Variants in PRH1 observed in about 807,000 individuals in gnomAD.
PRH1 encodes proline rich protein HaeIII subfamily 1.
In PRH1, 7 loss-of-function variants were observed where a neutral mutation model predicts 7.9. The ratio of observed to expected loss-of-function variants is 0.89; its 90% CI spans 0.50 to 1.67. The LOEUF (loss-of-function observed/expected upper bound fraction) is 1.67, where lower values mean the gene tolerates loss of function less well. Ranked by LOEUF, PRH1 falls within the 40% of genes most tolerant of loss-of-function variation. PRH1 has a pLI of 0.00. For synonymous variants in PRH1, 45 were observed against 80.8 expected (o/e 0.56, Z 2.38); for missense variants, 109 against 223.6 (o/e 0.49, Z 3.27).
At chr12:10,952,914 G>A (rs1222001636) in intron 2 of PRH1, among the ~76,000 whole-genome samples, 1 of 152,080 alleles carries the variant, frequency 6.6e-6, no homozygotes, top group African/African-American at 2.4e-5. Context: ...CCTTCAGAGT[G>A]TTGTGGCCAG....
rs1555163213 is a variant in PRH1, at chr12:11,091,115, CATATATAT to C, written n.124-43935_124-43928del. On this transcript the variant is annotated intron_variant and non_coding_transcript_variant, in intron 1 of 4. Coordinates refer to the PRH1 transcript ENST00000541977. ...ACACAAATACACACACACACACACA[CATATATAT>C]ATATATATATATATATATATTTTCT... 6.0e-4 allele frequency among the ~76,000 whole-genome samples: 15 copies of C among 25,126 alleles called. 4 individuals carry two copies. Among genetic ancestry groups the C allele is most frequent in the East Asian group, 2.3e-3 (1 of 426 alleles). 16.5% of individuals were successfully genotyped at this position (25,126 alleles called of 152,430 possible).
At chr12:10,899,101 A>G (rs1237458623) in intron 2 of PRH1, among the ~76,000 whole-genome samples, 1 of 152,206 alleles carries the variant, frequency 6.6e-6, no homozygotes, top group Non-Finnish European at 1.5e-5. Context: ...GAGAATGTCT[A>G]TCCAATGCCT....
intron 1 of PRH1, among the ~76,000 whole-genome samples, chr12:11,115,562 C>G (rs936364562): frequency 1.3e-5 from 2 of 152,110 alleles, no homozygotes; most frequent in African/African-American, 2.4e-5. Context: ...CAGATATTTA[C>G]ATAACATTTC....
At chr12:11,166,468 C>G (rs1947588508) in intron 1 of PRH1, 1 of 152,246 alleles carries the variant, frequency 6.6e-6, no homozygotes, top group Non-Finnish European at 1.5e-5. Context: ...TTGTGCCAAT[C>G]AGCTATTGCC....
At chr12:11,166,556 A>G (rs908006410) in intron 1 of PRH1, among the ~76,000 whole-genome samples, 5 of 152,144 alleles carry the variant, frequency 3.3e-5, no homozygotes, top group African/African-American at 4.8e-5. Flanking sequence ...CATAATAAAG[A>G]TCCAGAACAT....
intron 2 of PRH1, among the ~76,000 whole-genome samples, chr12:10,919,404 T>G (rs930467596): frequency 1.3e-5 from 2 of 152,206 alleles, no homozygotes; most frequent in African/African-American, 4.8e-5. Flanking sequence ...TGTAACTATT[T>G]GTTGGACACC....
At chr12:11,075,397 T>C (rs1175941901) in intron 1 of PRH1, among the ~76,000 whole-genome samples, 347 of 86,656 alleles carry the variant, frequency 4.0e-3, no homozygotes, top group East Asian at 8.3e-3. Context: ...TTTTTTTTCA[T>C]TTCTTTTGTG....
At chr12:11,051,267 G>T (rs554252316), upstream of PRH1, among the ~76,000 whole-genome samples, 1 of 152,236 alleles carries the variant, frequency 6.6e-6, no homozygotes, top group East Asian at 1.9e-4. Context: ...TCTGGGGTTG[G>T]CAGGAAACAT....
At chr12:11,165,260 C>T (rs1947539517) in intron 1 of PRH1, among the ~76,000 whole-genome samples, 1 of 152,122 alleles carries the variant, frequency 6.6e-6, no homozygotes, top group African/African-American at 2.4e-5. Context: ...CCCCTATCCT[C>T]ACAAATTAGT....
At chr12:11,062,342 TG>T in intron 1 of PRH1, 1 of 1,408,002 alleles carries the variant, frequency 7.1e-7, no homozygotes, top group Non-Finnish European at 9.5e-7. Flanking sequence ...GTAATATCAC[TG>T]GTTGTGATTG....
intron 1 of PRH1, chr12:11,022,077 C>A (rs985624326): frequency 2.5e-6 from 4 of 1,613,898 alleles, no homozygotes; most frequent in Non-Finnish European, 3.4e-6. Context: ...TCAATTTGAT[C>A]TTCCAAGTCA....
At chr12:10,891,366 C>G (rs1007120417) in intron 2 of PRH1, 5 of 152,108 alleles carry the variant, frequency 3.3e-5, no homozygotes, top group African/African-American at 1.2e-4. Flanking sequence ...GAGAAGACAG[C>G]TAAATCTAAA....
chr12:10,952,864 A>G (rs1429722887), intron 2 of PRH1, among the ~76,000 whole-genome samples: 1 of 152,174 alleles, frequency 6.6e-6, no homozygotes, highest in Admixed American at 6.6e-5. Flanking sequence ...AGCTTGCGTT[A>G]CACTGTCACT....
rs1243201301 is a variant in PRH1, at chr12:11,143,984, G to T, written n.40-22804C>A. On this transcript the variant is annotated intron_variant and non_coding_transcript_variant, in intron 1 of 1. Coordinates refer to the PRH1 transcript ENST00000541175. Reference sequence around the variant, plus strand: ...GCCTTGGACACCAGTGCATGTTCCAGTTGAGGTGATGGAGGGTGCAATGGA... The same window carrying T: ...GCCTTGGACACCAGTGCATGTTCCATTTGAGGTGATGGAGGGTGCAATGGA... Among the ~76,000 whole-genome samples, 78 of 152,198 alleles carry T rather than the reference G, an allele frequency of 5.1e-4. 1 individual carries two copies. Among genetic ancestry groups the T allele is most frequent in the Admixed American group, 5.1e-3 (78 of 15,280 alleles).
chr12:11,073,650 C>T (rs1337094096), intron 1 of PRH1, among the ~76,000 whole-genome samples: 1 of 151,884 alleles, frequency 6.6e-6, no homozygotes, highest in Non-Finnish European at 1.5e-5. Context: ...AGAATGAATG[C>T]AAAGACTAGT....
At chr12:11,024,483 C>T (rs1036655898) in intron 1 of PRH1, among the ~76,000 whole-genome samples, 7 of 152,162 alleles carry the variant, frequency 4.6e-5, no homozygotes, top group Admixed American at 1.3e-4. Flanking sequence ...ATAAGGTATT[C>T]GACCCTAAAC....
At chr12:10,930,723 G>A in intron 2 of PRH1, 1 of 1,613,838 alleles carries the variant, frequency 6.2e-7, no homozygotes, top group South Asian at 1.1e-5. Context: ...TGGGAGGACA[G>A]CAATCTCAAC....
chr12:11,118,380 A>G (rs549651282), downstream of PRH1, among the ~76,000 whole-genome samples: 13 of 152,368 alleles, frequency 8.5e-5, no homozygotes, highest in South Asian at 2.7e-3. Context: ...ATATCATCTC[A>G]TCCCAGTTAA....
chr12:11,105,481 T>G (rs1945382983), intron 1 of PRH1, among the ~76,000 whole-genome samples: 1 of 152,152 alleles, frequency 6.6e-6, no homozygotes, highest in South Asian at 2.1e-4. Context: ...GTGGATGAAA[T>G]CAATGCTGTC....
Sources: allele counts gnomAD v4.1 joint callset (sites outside exome capture counted in the v4.1 genomes callset), GRCh38; gene constraint gnomAD v4.1.1; transcripts MANE v1.5; gene names NCBI Gene and HGNC (gene_info 2026-07-23, HGNC 2026-07-21).